PARVB: variants seen among roughly 807,000 people sequenced by gnomAD.
PARVB encodes the protein parvin beta.
PARVB carries 46 observed loss-of-function variants against 47.0 expected under a neutral mutation model. The observed-to-expected ratio is 0.98, with a 90% CI of 0.77 to 1.25. The LOEUF is 1.25. Among genes scored for constraint, PARVB ranks in the 50% most tolerant of loss-of-function variants. The pLI, the probability that PARVB is intolerant of heterozygous loss-of-function variation, is 0.00. For missense variants in PARVB, 473 were observed against 471.6 expected, an observed-to-expected ratio of 1.00 and a Z score of -0.03; for synonymous variants, 196 against 196.3, an observed-to-expected ratio of 1.00 and a Z score of 0.01.
At chr22:44,055,074 GA>G (rs201563591) in intron 1 of PARVB, among the ~76,000 whole-genome samples, 17 of 142,610 alleles carry the variant, frequency 1.2e-4, no homozygotes, top group South Asian at 4.6e-4. Flanking sequence ...TTGAAAGAAT[GA>G]AAAAAAAATA....
chr22:44,152,194 G>A (rs1284488254), intron 10 of PARVB: 1 of 150,922 alleles, frequency 6.6e-6, no homozygotes, highest in Admixed American at 6.6e-5. Flanking sequence ...CTGTCACCCA[G>A]GCTGGAGTGC....
chr22:44,111,776 T>G (rs1742848134), intron 3 of PARVB: 1 of 151,728 alleles, frequency 6.6e-6, no homozygotes, highest in African/African-American at 2.4e-5. Flanking sequence ...GAGCCAAAAA[T>G]TATAAAAGAC....
At chr22:44,146,701 G>A (rs1569153014) in intron 8 of PARVB, 1 of 152,392 alleles carries the variant, frequency 6.6e-6, no homozygotes, top group African/African-American at 2.4e-5. Flanking sequence ...CCTAGGCCAG[G>A]GCGGTCCCTG....
chr22:44,119,137 T>C lies in PARVB; in HGVS notation c.373T>C (p.Leu125=), dbSNP rs779451749. The C allele has an allele frequency of 3.7e-6, 6 of 1,608,486 alleles. No individual in the cohort carries two copies. Among genetic ancestry groups the C allele is most frequent in the Non-Finnish European group, 5.1e-6 (6 of 1,175,016 alleles). Residue 125 remains leucine (L), a synonymous_variant, in exon 4 of 13, where the codon TTG becomes CTG. Coordinates refer to ENST00000338758, the MANE Select transcript of PARVB (RefSeq NM_013327.5). ...LYDGQVLQKL[L]EKLAGCKLNV... ...TGACGGCCAGGTGCTGCAGAAGCTCTTGGGTGAGTTCACAGCAGGGACAGC... is the reference window on the plus strand; with the variant it reads ...TGACGGCCAGGTGCTGCAGAAGCTCCTGGGTGAGTTCACAGCAGGGACAGC...
At chr22:44,101,157 C>T (rs530704224) in intron 3 of PARVB, among the ~76,000 whole-genome samples, 1 of 152,280 alleles carries the variant, frequency 6.6e-6, no homozygotes, top group African/African-American at 2.4e-5. Context: ...CGCCTGTAAT[C>T]CCAGCACTTT....
chr22:44,094,133 G>A (rs1333863875), intron 2 of PARVB, 116 bp downstream of exon 2: 2 of 562,620 alleles, frequency 3.6e-6, no homozygotes, highest in African/African-American at 1.9e-5. Flanking sequence ...CAGATGCTGG[G>A]GGCATTTGGG....
At chr22:44,092,916 A>G (rs2050176) in intron 1 of PARVB, among the ~76,000 whole-genome samples, 81,027 of 152,058 alleles carry the variant, frequency 0.53, 22,172 homozygotes, top group East Asian at 0.86. Context: ...AGGAAATACC[A>G]TTTTACTTCT....
At chr22:44,029,795 A>C (rs1319911686) in intron 1 of PARVB, among the ~76,000 whole-genome samples, 1 of 152,148 alleles carries the variant, frequency 6.6e-6, no homozygotes. Context: ...CTGTAATCCC[A>C]GCTACTCAGG....
intron 1 of PARVB, among the ~76,000 whole-genome samples, chr22:44,070,318 C>A (rs1327012986): frequency 6.6e-6 from 1 of 152,170 alleles, no homozygotes; most frequent in Non-Finnish European, 1.5e-5. Flanking sequence ...CCTCCCTGGG[C>A]CCTGCTAGGG....
chr22:44,014,847 C>G (rs1480908253), intron 2 of PARVB, among the ~76,000 whole-genome samples: 2 of 130,336 alleles, frequency 1.5e-5, no homozygotes, highest in Non-Finnish European at 3.4e-5. Flanking sequence ...TTACAACAGA[C>G]ACAACAATTT....
intron 2 of PARVB, among the ~76,000 whole-genome samples, chr22:44,003,814 T>G (rs1603421638): frequency 6.6e-6 from 1 of 152,340 alleles, no homozygotes; most frequent in East Asian, 1.9e-4. Context: ...TTCTGGCAAC[T>G]GCCGTCAGGT....
chr22:44,041,096 T>C (rs1326832680), intron 1 of PARVB, among the ~76,000 whole-genome samples: 1 of 151,998 alleles, frequency 6.6e-6, no homozygotes, highest in African/African-American at 2.4e-5. Flanking sequence ...TGAATGCTGA[T>C]GGATTGCTGG....
At chr22:44,128,518 C>G (rs1391904291) in intron 4 of PARVB, among the ~76,000 whole-genome samples, 1 of 152,234 alleles carries the variant, frequency 6.6e-6, no homozygotes, top group African/African-American at 2.4e-5. Context: ...TCACCCAAGA[C>G]CCAGCCTAAG....
chr22:44,092,574 C>T (rs1395524359), intron 1 of PARVB, among the ~76,000 whole-genome samples: 2 of 152,160 alleles, frequency 1.3e-5, no homozygotes, highest in African/African-American at 4.8e-5. Flanking sequence ...GAGGTTGTGT[C>T]GTCCTGAAGG....
intron 10 of PARVB, among the ~76,000 whole-genome samples, chr22:44,156,468 G>A (rs1047903218): frequency 6.6e-6 from 1 of 152,066 alleles, no homozygotes; most frequent in Admixed American, 6.5e-5. Context: ...TACTAGAGAC[G>A]GGGTTTCACC....
At position 44,153,077 on chromosome 22, in the gene PARVB, G is replaced by A. The variant is rs540275997; in HGVS notation, c.843+1526G>A. On this transcript the variant is annotated intron_variant, in intron 10 of 12. Coordinates refer to ENST00000338758, the MANE Select transcript of PARVB (RefSeq NM_013327.5). ...GTGGGTCTGTATATAAAAGCATCACGGTCTGTTTTTAATGTATATATTTAT... is the reference window on the plus strand; with the variant it reads ...GTGGGTCTGTATATAAAAGCATCACAGTCTGTTTTTAATGTATATATTTAT... The A allele has an allele frequency of 2.0e-5, 3 of 152,224 alleles. No homozygotes were observed. The South Asian group carries it at 6.2e-4, about 32-fold the overall frequency. The allele number at this position is 152,224 out of a possible 1,614,324, so 9.4% of individuals were successfully genotyped here.
In PARVB at chr22:44,103,303, A is replaced by T. The variant is rs2052493411; in HGVS notation, c.273+3180A>T. ...GCTGAGGAATAAATGCCTCTCCCCG[A>T]CTTCCCTGATGTGGGCTTCTGAGAC... On this transcript the variant is annotated intron_variant, in intron 3 of 12. Coordinates refer to ENST00000338758, the MANE Select transcript of PARVB (RefSeq NM_013327.5). The surrounding 1 kb of genome is among the most constrained non-coding windows in gnomAD (Gnocchi z 4.6). 6.6e-6 allele frequency: 1 copy of T among 152,168 alleles called. No individual in the cohort carries two copies. Among genetic ancestry groups the T allele is most frequent in the Non-Finnish European group, 1.5e-5 (1 of 68,050 alleles). The allele number at this position is 152,168 out of a possible 1,614,324, so 9.4% of individuals were successfully genotyped here.
At chr22:44,110,621 T>A (rs186228160) in intron 3 of PARVB, 1 of 152,190 alleles carries the variant, frequency 6.6e-6, no homozygotes, top group Admixed American at 6.5e-5. Flanking sequence ...TATTATTATT[T>A]TTTAGATGGA....
At position 44,168,740 on chromosome 22, in the gene PARVB, C is replaced by CTGTGCCT; in HGVS notation, c.*64_*70dup. The CTGTGCCT allele has an allele frequency of 8.4e-7, 1 of 1,192,562 alleles. No individual in the cohort carries two copies. Among genetic ancestry groups the CTGTGCCT allele is most frequent in the Non-Finnish European group, 1.3e-6 (1 of 798,040 alleles). The allele number at this position is 1,192,562 out of a possible 1,614,324, so 73.9% of individuals were successfully genotyped here. On this transcript the variant is annotated 3_prime_UTR_variant, in exon 13 of 13. Transcript: ENST00000338758. ...AAGAAAGGCGGCATCCGTCTGTGCCCTGTGCCTTTCCAGGGAGCCAGGCGC... is the reference window on the plus strand; with the variant it reads ...AAGAAAGGCGGCATCCGTCTGTGCCCTGTGCCTTGTGCCTTTCCAGGGAGCCAGGCGC...
Sources: allele counts gnomAD v4.1 joint callset (sites outside exome capture counted in the v4.1 genomes callset), GRCh38; gene constraint gnomAD v4.1.1; non-coding constraint Gnocchi (gnomAD v3.1); transcripts MANE v1.5; gene names NCBI Gene and HGNC (gene_info 2026-07-23, HGNC 2026-07-21).